Variants in ALDH3B2 observed in about 807,000 individuals in gnomAD.
The protein encoded by ALDH3B2 is aldehyde dehydrogenase 3 family member B2, also known as aldehyde dehydrogenase family 3 member B2.
Under a neutral mutation model 36.7 loss-of-function variants are expected in ALDH3B2, and 45 were observed. The ratio of observed to expected loss-of-function variants is 1.23; its 90% CI spans 0.97 to 1.57. The LOEUF is 1.57. ALDH3B2 is among the 40% of genes most tolerant of loss of function. The pLI is 0.00. For synonymous variants in ALDH3B2, 217 were observed against 226.5 expected (o/e 0.96, Z 0.38); for missense variants, 464 against 513.3 (o/e 0.90, Z 0.93).
upstream of ALDH3B2, among the ~76,000 whole-genome samples, chr11:67,679,185 G>T (rs142318713): frequency 0.011 from 1,672 of 152,122 alleles, 29 homozygotes; most frequent in African/African-American, 0.035. Flanking sequence ...AAAAAATCAG[G>T]GGCCAGGTGC....
intron 1 of ALDH3B2, among the ~76,000 whole-genome samples, chr11:67,671,591 G>A (rs1227242362): frequency 2.1e-5 from 3 of 145,888 alleles, no homozygotes; most frequent in Non-Finnish European, 3.0e-5. Flanking sequence ...TTGTTGCCCA[G>A]GCTGGAGTGC....
Position 67,662,237 on chromosome 11 carries a change from C to T in ALDH3B2, c.*978G>A, listed in dbSNP as rs549307448. The T allele has an allele frequency of 2.6e-5, 4 of 152,416 alleles. No homozygotes were observed. In the South Asian group the frequency reaches 8.3e-4, roughly 32 times the overall value. 9.4% of individuals were successfully genotyped at this position (152,416 alleles called of 1,614,324 possible). A position where few individuals can be genotyped will look rare whatever the true frequency, so the allele number is the denominator to read the frequency against. Reference sequence around the variant, plus strand: ...TATGAGTGCTTGGAAGGATCCCAGGCATACACAGAGGGCCACAGCCAAGGG... The same window carrying T: ...TATGAGTGCTTGGAAGGATCCCAGGTATACACAGAGGGCCACAGCCAAGGG... On this transcript the variant is annotated 3_prime_UTR_variant, in exon 10 of 10. Transcript: ENST00000349015.
At position 67,664,532 on chromosome 11, in the gene ALDH3B2, G is replaced by A. The variant is rs111503561; in HGVS notation, c.737C>T (p.Thr246Met). 2.9e-5 allele frequency: 46 copies of A among 1,613,714 alleles called. 1 individual carries two copies. The highest frequency in any genetic ancestry group is 1.1e-4 in the African/African-American group (8 of 75,020). ...GATCTCCTCCTGCATCACAGGCTCC[G>A]TCTCCTGCACGTCCACCAGCACCGT... Residue 246 changes from threonine (T) to methionine (M), a missense_variant, in exon 8 of 10, where the codon ACG becomes ATG. Transcript: ENST00000349015.
chr11:67,663,102 A>T, exon 10 of ALDH3B2: 2 of 1,308,294 alleles, frequency 1.5e-6, no homozygotes, highest in Non-Finnish European at 2.1e-6. Flanking sequence ...AGCTCCAGCA[A>T]CCTGAGGCTG....
rs758074815 is a variant in ALDH3B2 at position 67,665,278 on chromosome 11, G to T, written c.706+7C>A. The stretch of plus-strand genomic sequence containing the variant: ...CAGGTGGGCTGCGGTAGGGCAGCAG[G>T]ACTCACCGATGTAGCGATCGCTCTC... On this transcript the variant is annotated splice_region_variant and intron_variant, in intron 7 of 9. Transcript: ENST00000349015. 1 of 1,597,124 alleles carries T rather than the reference G, an allele frequency of 6.3e-7. No individual in the cohort carries two copies. Among genetic ancestry groups the T allele is most frequent in the Non-Finnish European group, 8.5e-7 (1 of 1,170,732 alleles).
intron 1 of ALDH3B2, among the ~76,000 whole-genome samples, chr11:67,671,720 A>G (rs75152947): frequency 0.03 from 4,490 of 151,148 alleles, 212 homozygotes; most frequent in African/African-American, 0.099. Flanking sequence ...ATAATTTTGT[A>G]TTTTTAGTAG....
At chr11:67,678,810 GTATA>G (rs60270513), upstream of ALDH3B2, among the ~76,000 whole-genome samples, 145,342 of 150,474 alleles carry the variant, frequency 0.97, 70,366 homozygotes, top group Non-Finnish European at 1. Context: ...TACACTAATG[GTATA>G]TATATATATA....
At chr11:67,664,651 A>G in intron 7 of ALDH3B2, 89 bp from the exon 8 acceptor site, 1 of 1,523,184 alleles carries the variant, frequency 6.6e-7, no homozygotes, top group Non-Finnish European at 8.8e-7. Flanking sequence ...GGCATGGGCC[A>G]GGGCTCCAGG....
exon 7 of ALDH3B2, chr11:67,665,517 A>G (rs563788299): frequency 9.3e-6 from 15 of 1,613,988 alleles, no homozygotes; most frequent in East Asian, 2.2e-5. Context: ...TCTGGCCGGC[A>G]TTGAAGTAGC....
chr11:67,670,743 C>T (rs1268558038), intron 1 of ALDH3B2, among the ~76,000 whole-genome samples: 2 of 152,166 alleles, frequency 1.3e-5, no homozygotes, highest in East Asian at 3.8e-4. Context: ...CTGCAGATGC[C>T]GCCTCCCTCC....
chr11:67,670,304 G>A lies in ALDH3B2; in HGVS notation c.-244-2669C>T, dbSNP rs373173371. On this transcript the variant is annotated intron_variant, in intron 1 of 9. Transcript: ENST00000349015. ...TGTGTGTGTATGGGTGTCTGTATGCGTATGGGTGTGTGTGTCCATGTGTGT... is the reference window on the plus strand; with the variant it reads ...TGTGTGTGTATGGGTGTCTGTATGCATATGGGTGTGTGTGTCCATGTGTGT... 9.5e-3 allele frequency among the ~76,000 whole-genome samples: 1,430 copies of A among 150,560 alleles called. 11 individuals are homozygous for A. Among genetic ancestry groups the A allele is most frequent in the Non-Finnish European group, 0.016 (1,069 of 67,394 alleles).
intron 1 of ALDH3B2, among the ~76,000 whole-genome samples, chr11:67,672,369 G>A (rs188346912): frequency 6.6e-6 from 1 of 151,290 alleles, no homozygotes; most frequent in Admixed American, 6.6e-5. Flanking sequence ...TGGTCAGGCT[G>A]GTCTCAAACT....
At chr11:67,673,525 C>T (rs1022150584) in intron 1 of ALDH3B2, among the ~76,000 whole-genome samples, 2 of 152,206 alleles carry the variant, frequency 1.3e-5, no homozygotes, top group Non-Finnish European at 2.9e-5. Flanking sequence ...GAGGGACCAA[C>T]GTGTGCAAAA....
chr11:67,667,523 GA>G, exon 2 of ALDH3B2: 1 of 390,350 alleles, frequency 2.6e-6, no homozygotes, highest in Non-Finnish European at 4.7e-6. Flanking sequence ...TTGTTTTCTT[GA>G]AGGAAGTGGC....
intron 1 of ALDH3B2, among the ~76,000 whole-genome samples, chr11:67,674,047 G>C (rs1383184628): frequency 6.6e-6 from 1 of 152,106 alleles, no homozygotes; most frequent in African/African-American, 2.4e-5. Flanking sequence ...CCGATTCTCC[G>C]GCACCTCCTG....
At chr11:67,665,971 C>T (rs897717257) in intron 6 of ALDH3B2, 151 bp downstream of exon 6, 68 of 1,103,570 alleles carry the variant, frequency 6.2e-5, no homozygotes, top group South Asian at 3.9e-4. Context: ...GTGCCCAGGG[C>T]GTGGCCTATG....
intron 8 of ALDH3B2, chr11:67,664,122 C>T (rs1432751673): frequency 5.1e-6 from 3 of 585,570 alleles, no homozygotes; most frequent in Non-Finnish European, 9.0e-6. Flanking sequence ...CATTCCGGGC[C>T]TCTGCTTGCC....
upstream of ALDH3B2, among the ~76,000 whole-genome samples, chr11:67,677,163 C>T (rs1468515068): frequency 6.6e-6 from 1 of 152,128 alleles, no homozygotes; most frequent in Non-Finnish European, 1.5e-5. Context: ...AAGGAAATGA[C>T]AGACTGATAT....
chr11:67,674,018 ATC>A (rs1170940270), intron 1 of ALDH3B2, among the ~76,000 whole-genome samples: 4 of 152,208 alleles, frequency 2.6e-5, no homozygotes, highest in Non-Finnish European at 5.9e-5. Context: ...ACTGCCAAGA[ATC>A]TCTCTGCTTC....
Sources: gnomAD v4.1 joint callset for allele counts (sites outside exome capture counted in the v4.1 genomes callset) on GRCh38, gnomAD v4.1.1 for gene constraint, MANE v1.5 for transcripts, NCBI Gene and HGNC (gene_info 2026-07-23, HGNC 2026-07-21) for gene names.